Variants in TBX1 observed in about 807,000 individuals in gnomAD.
TBX1 encodes the protein T-box transcription factor 1.
A neutral mutation model predicts 40.8 loss-of-function variants in TBX1; 16 were observed. The observed-to-expected ratio is 0.39, with a 90% CI of 0.27 to 0.60. TBX1 has a LOEUF of 0.60. Among genes scored for constraint, TBX1 ranks in the 20% least tolerant of loss-of-function variants. The probability of loss-of-function intolerance (pLI) is 0.51; values close to 1 mark genes in which losing one functional copy is unlikely to be tolerated. For missense variants in TBX1, 755 were observed against 728.5 expected, an observed-to-expected ratio of 1.04 and a Z score of -0.42; for synonymous variants, 403 against 336.8, an observed-to-expected ratio of 1.20 and a Z score of -2.15.
intron 1 of TBX1, among the ~76,000 whole-genome samples, chr22:19,762,151 C>G (rs1033400583): frequency 6.6e-6 from 1 of 152,238 alleles, no homozygotes; most frequent in Admixed American, 6.5e-5. Context: ...CCAGGCCCTC[C>G]TTGCTGTCCC....
intron 4 of TBX1, among the ~76,000 whole-genome samples, chr22:19,765,447 C>G (rs1241134492): frequency 6.6e-6 from 1 of 152,216 alleles, no homozygotes; most frequent in Non-Finnish European, 1.5e-5. Flanking sequence ...GTTCCCCACC[C>G]CCCACCCCAC....
rs768923000 is a variant in TBX1, at chr22:19,765,742, A to C, written c.868-16A>C. 6.2e-7 allele frequency: 1 copy of C among 1,610,634 alleles called. No homozygotes were observed. The highest frequency in any genetic ancestry group is 1.1e-5 in the South Asian group (1 of 90,744). On this transcript the variant is annotated splice_polypyrimidine_tract_variant and intron_variant, in intron 4 of 6. Coordinates refer to ENST00000649276, the MANE Select transcript of TBX1 (RefSeq NM_001379200.1). ...TGCAGGGCTCCAGCGGCTTGCTCAC[A>C]CCCACCTCCCTGCAGATCACGCAGC...
chr22:19,781,937 ACGCAGTGAGACCCTGTT>A (rs1193799597), downstream of TBX1, among the ~76,000 whole-genome samples: 6 of 152,006 alleles, frequency 3.9e-5, no homozygotes, highest in African/African-American at 9.7e-5. Flanking sequence ...AGACTGGGCA[ACGCAGTGAGACCCTGTT>A]TCTAATTGAG....
rs1936785696 is a variant in TBX1 at position 19,765,058 on chromosome 22, C to G, written c.812C>G (p.Thr271Ser). The change falls in exon 4 of 7, where the codon ACC becomes AGC. Residue 271 changes from threonine to serine, a missense_variant. Physicochemically the swap from Thr to Ser is moderately conservative, Grantham distance 58. This residue lies in a region of TBX1 where 144 missense variants were observed against 238.0 expected (regional missense o/e 0.61). Transcript: ENST00000649276. ...SEKYAEENFK[T>S]FVFEETRFTA... ...AAATATGCCGAGGAGAACTTCAAAA[C>G]CTTTGTGTTCGAGGAGACACGATTC... The G allele has an allele frequency of 6.2e-7, 1 of 1,614,244 alleles. No individual in the cohort carries two copies. Among genetic ancestry groups the G allele is most frequent in the African/African-American group, 1.3e-5 (1 of 75,068 alleles).
intron 8 of TBX1, among the ~76,000 whole-genome samples, chr22:19,774,521 A>G (rs1223960996): frequency 1.3e-5 from 2 of 152,208 alleles, no homozygotes; most frequent in Non-Finnish European, 2.9e-5. Context: ...TTCTCCACCC[A>G]TGTTCATAGC....
At chr22:19,759,519 C>T (rs41299457), upstream of TBX1, 7,514 of 1,533,824 alleles carry the variant, frequency 4.9e-3, 360 homozygotes, top group African/African-American at 0.092. Flanking sequence ...CCGCTGTCTC[C>T]CCGAGCCAGT....
chr22:19,773,104 C>T (rs1387837071), intron 8 of TBX1, among the ~76,000 whole-genome samples: 1 of 152,210 alleles, frequency 6.6e-6, no homozygotes, highest in Admixed American at 6.5e-5. Flanking sequence ...CGAGCACGGG[C>T]GTTGAGCTGA....
At chr22:19,765,847 A>T (rs772362864) in intron 5 of TBX1, 22 bp downstream of exon 5, 14 of 1,588,758 alleles carry the variant, frequency 8.8e-6, no homozygotes, top group Non-Finnish European at 1.1e-5. Flanking sequence ...CCCCCGAGAG[A>T]GTGAGCGCCG....
intron 8 of TBX1, among the ~76,000 whole-genome samples, chr22:19,777,031 C>T (rs1937075908): frequency 1.3e-5 from 2 of 152,026 alleles, no homozygotes; most frequent in African/African-American, 4.8e-5. Flanking sequence ...TGTTATTGAA[C>T]ATTAAGGTTT....
At chr22:19,757,940 C>T (rs924317783), upstream of TBX1, among the ~76,000 whole-genome samples, 4 of 152,206 alleles carry the variant, frequency 2.6e-5, no homozygotes, top group Non-Finnish European at 2.9e-5. Context: ...CAGCTGCAGG[C>T]GGCAGGGGTT....
downstream of TBX1, chr22:19,782,945 G>A: frequency 6.3e-7 from 1 of 1,596,234 alleles, no homozygotes; most frequent in Non-Finnish European, 8.6e-7. Flanking sequence ...GCTCCAACCT[G>A]GCTTGCTGGA....
chr22:19,766,637 G>A lies in TBX1; in HGVS notation c.1285G>A (p.Ala429Thr). 1.3e-6 allele frequency: 2 copies of A among 1,550,228 alleles called. No individual in the cohort carries two copies. Among genetic ancestry groups the A allele is most frequent in the East Asian group, 2.6e-5 (1 of 39,194 alleles). Residue 429 changes from alanine to threonine, a missense_variant, in exon 7 of 7, where the codon GCC becomes ACC. This residue lies in a region of TBX1 where 412 missense variants were observed against 317.6 expected (regional missense o/e 1.30). Transcript: ENST00000649276. ...PLHHHPYKYPAAAYDHYLGAK... is the reference protein window; with the variant it reads ...PLHHHPYKYPTAAYDHYLGAK... ...GCACCACCACCCCTACAAATATCCG[G>A]CCGCCGCCTACGACCACTATCTCGG... is the stretch of plus-strand genomic sequence containing the variant.
chr22:19,763,489 C>T, intron 2 of TBX1, 147 bp downstream of exon 2: 1 of 698,354 alleles, frequency 1.4e-6, no homozygotes, highest in Non-Finnish European at 2.5e-6. Flanking sequence ...GCTCCCTCCT[C>T]CACTCCCATC....
chr22:19,782,459 A>T (rs937202325), downstream of TBX1, among the ~76,000 whole-genome samples: 26 of 152,166 alleles, frequency 1.7e-4, no homozygotes, highest in African/African-American at 5.8e-4. Context: ...GGAACTCTTT[A>T]GCCCATCTTT....
downstream of TBX1, chr22:19,783,112 G>A (rs1421495763): frequency 1.4e-5 from 11 of 761,312 alleles, no homozygotes; most frequent in African/African-American, 5.1e-5. Context: ...TGATGGAAGC[G>A]AATCCTCCAG....
At chr22:19,779,106 T>C (rs1937110578) in intron 8 of TBX1, 15 of 1,269,280 alleles carry the variant, frequency 1.2e-5, no homozygotes, top group East Asian at 2.4e-5. Flanking sequence ...AGTCCTGTCC[T>C]GCCCTTCCAT....
At position 19,766,540 on chromosome 22, in the gene TBX1, C is replaced by A; in HGVS notation, c.1188C>A (p.Gly396=). ...CCGGCGGCTTAGTCCCGCTGCCCGG[C>A]GCGCCCGGAGGCCGGCCCAGTCCCC... is the stretch of plus-strand genomic sequence containing the variant. ...GGAGGLVPLP[G]APGGRPSPPN... The change falls in exon 7 of 7, where the codon GGC becomes GGA. Residue 396 remains glycine, a synonymous_variant. Transcript: ENST00000649276. The A allele has an allele frequency of 1.5e-6, 2 of 1,347,878 alleles. No homozygotes were observed. Among genetic ancestry groups the A allele is most frequent in the South Asian group, 1.9e-5 (1 of 53,006 alleles). The allele number at this position is 1,347,878 out of a possible 1,614,324, so 83.5% of individuals were successfully genotyped here. A position where few individuals can be genotyped will look rare whatever the true frequency, so the allele number is the denominator to read the frequency against.
chr22:19,768,952 T>C (rs1342199294), downstream of TBX1, among the ~76,000 whole-genome samples: 1 of 137,780 alleles, frequency 7.3e-6, no homozygotes, highest in Non-Finnish European at 1.5e-5. Context: ...CTGTTCGCAT[T>C]CTTTTTTTTT....
chr22:19,780,784 TTTTG>T (rs1249274071), downstream of TBX1, among the ~76,000 whole-genome samples: 9 of 144,884 alleles, frequency 6.2e-5, 1 homozygote, highest in African/African-American at 2.1e-4. Context: ...CTGTTTTTTT[TTTTG>T]TTTTTTTTTT....
Sources: gnomAD v4.1 joint callset for allele counts (sites outside exome capture counted in the v4.1 genomes callset) on GRCh38, gnomAD v4.1.1 for gene constraint, gnomAD v4.1.1 regional missense constraint, MANE v1.5 for transcripts, NCBI Gene and HGNC (gene_info 2026-07-23, HGNC 2026-07-21) for gene names.